ARID5B: variants seen among roughly 807,000 people sequenced by gnomAD.
The protein encoded by ARID5B is AT-rich interactive domain-containing protein 5B.
In ARID5B, 13 loss-of-function variants were observed where a neutral mutation model predicts 97.2. That is an observed-to-expected ratio of 0.13 (90% confidence interval 0.09 to 0.21). The LOEUF is 0.21. ARID5B is among the 10% of genes least tolerant of loss of function. The pLI is 1.00. For missense variants in ARID5B, 1,210 were observed against 1,465.3 expected (o/e 0.83, Z 2.84); for synonymous variants, 556 against 570.3 (o/e 0.97, Z 0.36).
At chr10:62,046,571 C>T (rs912604516) in intron 4 of ARID5B, 4 of 152,166 alleles carry the variant, frequency 2.6e-5, no homozygotes, top group Non-Finnish European at 5.9e-5. Context: ...CTGGAGGTAG[C>T]TTGATTCTCT....
In ARID5B at chr10:62,094,891, G is replaced by T. The variant is rs957084797; in HGVS notation, c.*1861G>T. On this transcript the variant is annotated 3_prime_UTR_variant, in exon 10 of 10. Coordinates refer to ENST00000279873, the MANE Select transcript of ARID5B (RefSeq NM_032199.3). ...TTTTCAACTTCTAAATAGGTAACTC[G>T]ACTGCAAAATAATCAAAACTGATAA... is the stretch of plus-strand genomic sequence containing the variant. The T allele has an allele frequency of 2.6e-5, 6 of 230,832 alleles. 1 individual carries two copies. In the South Asian group the frequency reaches 1.1e-3, roughly 42 times the overall value. The allele number at this position is 230,832 out of a possible 1,614,324, so 14.3% of individuals were successfully genotyped here. A position where few individuals can be genotyped will look rare whatever the true frequency, so the allele number is the denominator to read the frequency against.
intron 2 of ARID5B, among the ~76,000 whole-genome samples, chr10:61,907,417 G>A (rs1000310689): frequency 1.3e-5 from 2 of 152,014 alleles, no homozygotes; most frequent in Non-Finnish European, 2.9e-5. Context: ...ACTGGCCTTA[G>A]ACAATTGTTT....
Position 62,092,524 on chromosome 10 carries a change from C to T in ARID5B, c.3061C>T (p.Leu1021Phe). Residue 1021 changes from leucine (L) to phenylalanine (F), a missense_variant, in exon 10 of 10, where the codon CTT (leucine) becomes TTT (phenylalanine). Coordinates refer to ENST00000279873, the MANE Select transcript of ARID5B (RefSeq NM_032199.3). ...CAAGCGCAGCCTGGAGGATTTGGAC[C>T]TTGTGATTGCAGGGAAAAAGGCCCG... ...PIKRSLEDLDLVIAGKKARAV... is the reference protein window; with the variant it reads ...PIKRSLEDLDFVIAGKKARAV... The T allele has an allele frequency of 6.2e-7, 1 of 1,614,146 alleles. No individual in the cohort carries two copies. The highest frequency in any genetic ancestry group is 1.3e-5 in the African/African-American group (1 of 75,042).
At chr10:61,953,331 C>G (rs1838348711) in intron 3 of ARID5B, among the ~76,000 whole-genome samples, 1 of 152,114 alleles carries the variant, frequency 6.6e-6, no homozygotes, top group African/African-American at 2.4e-5. Flanking sequence ...CATGATGAAA[C>G]ATATACTTTT....
chr10:61,984,429 C>T (rs1473503665), intron 3 of ARID5B, among the ~76,000 whole-genome samples: 1 of 152,220 alleles, frequency 6.6e-6, no homozygotes, highest in Non-Finnish European at 1.5e-5. Flanking sequence ...TTAGGTTACT[C>T]TTCCTGGGAT....
At chr10:62,025,347 G>A (rs1413690476) in intron 4 of ARID5B, 1 of 152,078 alleles carries the variant, frequency 6.6e-6, no homozygotes, top group Non-Finnish European at 1.5e-5. Flanking sequence ...CTTTATCTTG[G>A]CCATAGAATT....
intron 8 of ARID5B, among the ~76,000 whole-genome samples, chr10:62,076,178 TGATCCTTGGTTTATCTAACC>T (rs1840130491): frequency 1.3e-5 from 2 of 148,496 alleles, no homozygotes. Context: ...GAAGATGCCA[TGATCCTTGGTTTATCTAACC>T]CATCACAAGA....
chr10:62,048,825 C>G (rs376195088), intron 4 of ARID5B, among the ~76,000 whole-genome samples: 1 of 152,146 alleles, frequency 6.6e-6, no homozygotes, highest in Non-Finnish European at 1.5e-5. Flanking sequence ...TGCTTTTCAC[C>G]AAAATGCTAG....
intron 7 of ARID5B, among the ~76,000 whole-genome samples, chr10:62,068,363 C>T (rs1053875258): frequency 2.0e-5 from 3 of 152,024 alleles, no homozygotes; most frequent in Non-Finnish European, 4.4e-5. Flanking sequence ...GCACAGCTAA[C>T]ATTGTCTCGA....
At chr10:62,046,271 T>C (rs1839707434) in intron 4 of ARID5B, among the ~76,000 whole-genome samples, 1 of 152,232 alleles carries the variant, frequency 6.6e-6, no homozygotes. Context: ...AAAAGCAATT[T>C]ACTTTGCCAG....
chr10:62,026,221 G>A (rs373150811), intron 4 of ARID5B, among the ~76,000 whole-genome samples: 16 of 152,338 alleles, frequency 1.1e-4, no homozygotes, highest in East Asian at 3.9e-4. Context: ...AATGGAGTGA[G>A]CTGAAAACCT....
At chr10:62,049,141 A>G in intron 4 of ARID5B, 1 of 1,197,318 alleles carries the variant, frequency 8.4e-7, no homozygotes, top group Non-Finnish European at 1.0e-6. Context: ...TGACAAGGAG[A>G]GCAAGAGGTC....
intron 7 of ARID5B, among the ~76,000 whole-genome samples, chr10:62,061,603 A>G (rs1002904411): frequency 3.7e-4 from 56 of 152,276 alleles, no homozygotes; most frequent in African/African-American, 1.3e-3. Flanking sequence ...GCCATGCCCC[A>G]AAGTTATTCA....
chr10:61,919,070 G>A (rs1471868448), intron 2 of ARID5B, among the ~76,000 whole-genome samples: 2 of 123,022 alleles, frequency 1.6e-5, no homozygotes, highest in Non-Finnish European at 3.2e-5. Flanking sequence ...TAAAAGGTGC[G>A]TTAGGGGACA....
intron 8 of ARID5B, among the ~76,000 whole-genome samples, chr10:62,075,408 C>T (rs1457225640): frequency 6.6e-6 from 1 of 152,244 alleles, no homozygotes; most frequent in Non-Finnish European, 1.5e-5. Context: ...ATGCTTGACA[C>T]TAGGCTCTCC....
chr10:62,051,880 G>T (rs1361471348), intron 5 of ARID5B, among the ~76,000 whole-genome samples: 1 of 151,978 alleles, frequency 6.6e-6, no homozygotes, highest in Non-Finnish European at 1.5e-5. Context: ...TTCTGAAAAT[G>T]GGACCATTTT....
intron 3 of ARID5B, among the ~76,000 whole-genome samples, chr10:61,984,316 A>G (rs1204548895): frequency 6.6e-6 from 1 of 152,216 alleles, no homozygotes; most frequent in East Asian, 1.9e-4. Context: ...ATGTAAACCC[A>G]CTGCTGAACA....
At chr10:61,988,417 G>A (rs2132853266) in intron 3 of ARID5B, among the ~76,000 whole-genome samples, 1 of 152,316 alleles carries the variant, frequency 6.6e-6, no homozygotes, top group South Asian at 2.1e-4. Flanking sequence ...CTCTCACCAG[G>A]TCTTAACAGT....
intron 3 of ARID5B, among the ~76,000 whole-genome samples, chr10:61,974,028 C>T (rs1034496597): frequency 2.6e-5 from 4 of 152,248 alleles, no homozygotes; most frequent in African/African-American, 4.8e-5. Context: ...TTAAGGCACC[C>T]GCACATCTGA....
Sources: gnomAD v4.1 joint callset for allele counts (sites outside exome capture counted in the v4.1 genomes callset) on GRCh38, gnomAD v4.1.1 for gene constraint, MANE v1.5 for transcripts, NCBI Gene and HGNC (gene_info 2026-07-23, HGNC 2026-07-21) for gene names.